POM121C: variants seen among roughly 807,000 people sequenced by gnomAD.
The protein encoded by POM121C is POM121 transmembrane nucleoporin C.
A neutral mutation model predicts 66.4 loss-of-function variants in POM121C; 20 were observed. That is an observed-to-expected ratio of 0.30 (90% CI 0.21 to 0.44). The LOEUF (loss-of-function observed/expected upper bound fraction) is 0.44, where lower values mean the gene tolerates loss of function less well. Ranked by LOEUF, POM121C falls within the 20% of genes least tolerant of loss-of-function variation. The pLI is 1.00. For missense variants in POM121C, 580 were observed against 1,225.7 expected (o/e 0.47, Z 7.87); for synonymous variants, 286 against 528.0 (o/e 0.54, Z 6.28).
At chr7:75,482,657 T>G (rs1792353782) in intron 1 of POM121C, among the ~76,000 whole-genome samples, 1 of 151,536 alleles carries the variant, frequency 6.6e-6, no homozygotes, top group Non-Finnish European at 1.5e-5. Context: ...GTCTCTACAC[T>G]CCAACCTGGG....
chr7:75,449,366 C>CTTTT (rs782264870), intron 3 of POM121C, among the ~76,000 whole-genome samples: 2 of 135,594 alleles, frequency 1.5e-5, no homozygotes, highest in African/African-American at 2.7e-5. Context: ...TGTTCTCTCT[C>CTTTT]TTTTTTTTTT....
At position 75,462,577 on chromosome 7, in the gene POM121C, T is replaced by C. The variant is rs1241660060; in HGVS notation, c.-152+12127A>G. On this transcript the variant is annotated intron_variant, in intron 3 of 14. Transcript: ENST00000615331. ...CACATTCCCAGTGTGGTTTCTGGTATTGAAGGCAGCAGAGCAGACCTTATT... is the reference window on the plus strand; with the variant it reads ...CACATTCCCAGTGTGGTTTCTGGTACTGAAGGCAGCAGAGCAGACCTTATT... Among the ~76,000 whole-genome samples the C allele has an allele frequency of 3.3e-5, 5 of 152,154 alleles. No individual in the cohort carries two copies. In the East Asian group the frequency reaches 7.7e-4, roughly 23 times the overall value.
intron 5 of POM121C, among the ~76,000 whole-genome samples, chr7:75,439,587 T>C (rs782077847): frequency 2.0e-4 from 31 of 152,306 alleles, no homozygotes; most frequent in African/African-American, 7.0e-4. Flanking sequence ...GGGCTCCCTA[T>C]GTTGCCCAGG....
intron 14 of POM121C, among the ~76,000 whole-genome samples, 156 bp downstream of exon 14, chr7:75,419,164 A>G (rs1420441113): frequency 6.6e-6 from 1 of 152,128 alleles, no homozygotes; most frequent in East Asian, 1.9e-4. Flanking sequence ...TCTGCCATCC[A>G]ACTCCCATCC....
intron 6 of POM121C, among the ~76,000 whole-genome samples, chr7:75,438,363 A>G (rs1790496552): frequency 6.6e-6 from 1 of 152,228 alleles, no homozygotes; most frequent in Admixed American, 6.5e-5. Context: ...GCTTCTTTCA[A>G]GGGACAGTCC....
At chr7:75,456,470 A>G (rs1306682673) in intron 3 of POM121C, among the ~76,000 whole-genome samples, 2 of 152,128 alleles carry the variant, frequency 1.3e-5, no homozygotes, top group Non-Finnish European at 2.9e-5. Flanking sequence ...TCCAGCAAGG[A>G]GTGAAAAGGC....
intron 3 of POM121C, among the ~76,000 whole-genome samples, chr7:75,472,749 T>C (rs1225882604): frequency 6.7e-6 from 1 of 150,084 alleles, no homozygotes; most frequent in Admixed American, 6.7e-5. Context: ...GAGGCTGCAG[T>C]GAGCCGAGAT....
chr7:75,430,735 T>C (rs1190372242), intron 7 of POM121C, among the ~76,000 whole-genome samples: 1 of 152,080 alleles, frequency 6.6e-6, no homozygotes, highest in Non-Finnish European at 1.5e-5. Flanking sequence ...GTATCTAGAA[T>C]ATATAAAAAG....
chr7:75,436,931 G>C (rs1790440717), intron 7 of POM121C, among the ~76,000 whole-genome samples: 1 of 152,176 alleles, frequency 6.6e-6, no homozygotes, highest in African/African-American at 2.4e-5. Context: ...TCAGAGCCAA[G>C]ATTTGAATCT....
chr7:75,480,997 G>A (rs1473241134), intron 1 of POM121C, among the ~76,000 whole-genome samples: 2 of 149,018 alleles, frequency 1.3e-5, no homozygotes, highest in Non-Finnish European at 3.0e-5. Context: ...AAAGAGGCAT[G>A]ACACGTTATA....
chr7:75,477,386 C>A (rs1204338204), intron 1 of POM121C, among the ~76,000 whole-genome samples: 1 of 152,182 alleles, frequency 6.6e-6, no homozygotes, highest in African/African-American at 2.4e-5. Context: ...AGTTCAAGAC[C>A]AGCCTGGTCA....
In POM121C at chr7:75,418,704, T is replaced by G; in HGVS notation, c.*92A>C. 7.0e-7 allele frequency: 1 copy of G among 1,426,026 alleles called. No homozygotes were observed. Among genetic ancestry groups the G allele is most frequent in the Non-Finnish European group, 9.2e-7 (1 of 1,082,490 alleles). The allele number at this position is 1,426,026 out of a possible 1,614,324, so 88.3% of individuals were successfully genotyped here. On this transcript the variant is annotated 3_prime_UTR_variant, in exon 15 of 15. Transcript: ENST00000615331. ...CCAGAGATCCGGGGTAGGTTTGCTT[T>G]ACGCAGCTGGAAGGGTCCAAGGCTC... is the stretch of plus-strand genomic sequence containing the variant.
chr7:75,420,331 C>A (rs1407399983), intron 13 of POM121C: 1 of 152,768 alleles, frequency 6.5e-6, no homozygotes, highest in Non-Finnish European at 1.5e-5. Flanking sequence ...GCTGACTTCA[C>A]CCGCTCTCCA....
At chr7:75,475,013 C>G (rs1176453904) in intron 2 of POM121C, 49 bp downstream of exon 2, 32 of 1,456,022 alleles carry the variant, frequency 2.2e-5, no homozygotes, top group Middle Eastern at 2.0e-4. Flanking sequence ...CAAACTCAAG[C>G]ATAAAACCCC....
Position 75,417,702 on chromosome 7 carries a change from G to A in POM121C, c.*1094C>T, listed in dbSNP as rs1321245183. 7.1e-6 allele frequency: 7 copies of A among 985,606 alleles called. No individual in the cohort carries two copies. In the East Asian group the frequency reaches 6.8e-4, roughly 96 times the overall value. 61.1% of individuals were successfully genotyped at this position (985,606 alleles called of 1,614,324 possible). Reference sequence around the variant, plus strand: ...AGTGGGACAGAAACCGCAGAGGGAAGAGGTCTTTGCTTCCCCTGGGCCCAT... The same window carrying A: ...AGTGGGACAGAAACCGCAGAGGGAAAAGGTCTTTGCTTCCCCTGGGCCCAT... On this transcript the variant is annotated 3_prime_UTR_variant, in exon 15 of 15. Coordinates refer to ENST00000615331, the MANE Select transcript of POM121C (RefSeq NM_001099415.3).
In POM121C at chr7:75,417,816, CATTCA is replaced by C. The variant is rs1563134461; in HGVS notation, c.*975_*979del. The C allele has an allele frequency of 1.0e-6, 1 of 971,072 alleles. No homozygotes were observed. The highest frequency in any genetic ancestry group is 1.2e-6 in the Non-Finnish European group (1 of 817,696). The allele number at this position is 971,072 out of a possible 1,614,324, so 60.2% of individuals were successfully genotyped here. On this transcript the variant is annotated 3_prime_UTR_variant, in exon 15 of 15. Coordinates refer to ENST00000615331, the MANE Select transcript of POM121C (RefSeq NM_001099415.3). ...AGCCGTCAAGTGGTGCTACTTTCCA[CATTCA>C]ATTAGCGAGGCCCCAGAAAACTTGA...
At chr7:75,419,616 G>A (rs1584640222) in intron 13 of POM121C, 174 bp from the exon 14 acceptor site, 2 of 739,380 alleles carry the variant, frequency 2.7e-6, no homozygotes, top group East Asian at 3.0e-5. Flanking sequence ...TTCATGCCTG[G>A]TGCCCCAGCT....
At chr7:75,457,875 T>C (rs1449657074) in intron 3 of POM121C, among the ~76,000 whole-genome samples, 28 of 152,204 alleles carry the variant, frequency 1.8e-4, no homozygotes, top group Admixed American at 6.5e-4. Context: ...CAAGAACAGT[T>C]GATATATATA....
At chr7:75,435,596 G>A (rs1554472945) in intron 7 of POM121C, among the ~76,000 whole-genome samples, 1 of 152,110 alleles carries the variant, frequency 6.6e-6, no homozygotes, top group East Asian at 1.9e-4. Flanking sequence ...TAAAGTTGGT[G>A]TACCCAAAGG....
Sources: allele counts gnomAD v4.1 joint callset (sites outside exome capture counted in the v4.1 genomes callset), GRCh38; gene constraint gnomAD v4.1.1; transcripts MANE v1.5; gene names NCBI Gene and HGNC (gene_info 2026-07-23, HGNC 2026-07-21).